The following MGAT3 variants were observed in gnomAD, a reference collection of about 807,000 sequenced individuals.
MGAT3 encodes GlcNAc-T III.
MGAT3 carries 9 observed loss-of-function variants against 29.8 expected under a neutral mutation model. The observed-to-expected ratio is 0.30, with a 90% CI of 0.18 to 0.53. The LOEUF (loss-of-function observed/expected upper bound fraction) is 0.53, where lower values mean the gene tolerates loss of function less well. Among genes scored for constraint, MGAT3 ranks in the 20% least tolerant of loss-of-function variants. The pLI is 0.96. For missense variants in MGAT3, 557 were observed against 769.5 expected, an observed-to-expected ratio of 0.72 and a Z score of 3.27; for synonymous variants, 397 against 348.9, an observed-to-expected ratio of 1.14 and a Z score of -1.54.
Position 39,487,199 on chromosome 22 carries a change from TG to T in MGAT3, c.-1-143del. 1.2e-6 allele frequency: 1 copy of T among 826,206 alleles called. No homozygotes were observed. Among genetic ancestry groups the T allele is most frequent in the Non-Finnish European group, 1.9e-6 (1 of 521,504 alleles). The allele number at this position is 826,206 out of a possible 1,614,324, so 51.2% of individuals were successfully genotyped here. A position where few individuals can be genotyped will look rare whatever the true frequency, so the allele number is the denominator to read the frequency against. ...GGCCTTGGTACCGCGAGTTGACTCT[TG>T]GGGGCAGGAGGTCACTCCATGCAGG... On this transcript the variant is annotated intron_variant, in intron 1 of 1. Transcript: ENST00000341184. This position sits in a 1 kb window ranked among gnomAD's most constrained non-coding sequence, Gnocchi z 5.7.
chr22:39,488,522 T>G lies in MGAT3; in HGVS notation c.1175T>G (p.Phe392Cys). 6.2e-7 allele frequency: 1 copy of G among 1,613,248 alleles called. No individual in the cohort carries two copies. Among genetic ancestry groups the G allele is most frequent in the South Asian group, 1.1e-5 (1 of 91,086 alleles). ...RRRQYYTMPN[F>C]RQYENRTGHI... ...CGCCAGTACTACACCATGCCCAACT[T>G]CAGACAGTATGAGAACCGCACCGGC... The change falls in exon 2 of 2, where the codon TTC (phenylalanine) becomes TGC (cysteine). Residue 392 changes from phenylalanine to cysteine, a missense_variant. This residue lies in a region of MGAT3 where 243 missense variants were observed against 444.0 expected (regional missense o/e 0.55). Transcript: ENST00000341184.
chr22:39,468,049 C>T (rs8138655), intron 1 of MGAT3, among the ~76,000 whole-genome samples: 1 of 151,766 alleles, frequency 6.6e-6, no homozygotes, highest in Non-Finnish European at 1.5e-5. Flanking sequence ...CTGGGCACAT[C>T]CCCTCTCCAA....
intron 1 of MGAT3, among the ~76,000 whole-genome samples, chr22:39,474,501 G>A (rs918211727): frequency 2.6e-5 from 4 of 152,176 alleles, no homozygotes; most frequent in Admixed American, 1.3e-4. Flanking sequence ...GGAATGAAGC[G>A]AGGCCAGTAG....
At chr22:39,462,282 C>T (rs970607884) in intron 1 of MGAT3, among the ~76,000 whole-genome samples, 1 of 152,246 alleles carries the variant, frequency 6.6e-6, no homozygotes, top group African/African-American at 2.4e-5. Flanking sequence ...TTGCTGTCAG[C>T]TCCCAGAGTA....
chr22:39,484,077 C>T (rs1929203022), intron 1 of MGAT3, among the ~76,000 whole-genome samples: 1 of 152,238 alleles, frequency 6.6e-6, no homozygotes, highest in African/African-American at 2.4e-5. Context: ...CCGGTTCACA[C>T]TCCAGCTCTG....
rs552945401 is a variant in MGAT3 at position 39,489,254 on chromosome 22, G to A, written c.*305G>A. The A allele has an allele frequency of 8.0e-5, 35 of 437,330 alleles. 1 individual carries two copies. In the South Asian group the frequency reaches 1.2e-3, roughly 15 times the overall value. 27.1% of individuals were successfully genotyped at this position (437,330 alleles called of 1,614,324 possible). ...TGCGTGGTGGTCCCTGGGTAGCGGG[G>A]GAGGGTAGGCAGGATTGGGGAAGAG... On this transcript the variant is annotated 3_prime_UTR_variant, in exon 2 of 2. Coordinates refer to ENST00000341184, the MANE Select transcript of MGAT3 (RefSeq NM_002409.5).
chr22:39,483,909 G>C (rs1929196458), intron 1 of MGAT3, among the ~76,000 whole-genome samples: 1 of 152,194 alleles, frequency 6.6e-6, no homozygotes, highest in African/African-American at 2.4e-5. Flanking sequence ...ACAGCTCCAG[G>C]GGGGCAGGCG....
intron 1 of MGAT3, among the ~76,000 whole-genome samples, chr22:39,470,809 G>A (rs1164092799): frequency 6.6e-6 from 1 of 152,146 alleles, no homozygotes; most frequent in Non-Finnish European, 1.5e-5. Context: ...GCTGATAGAG[G>A]CACCGAGGCC....
chr22:39,488,235 C>T lies in MGAT3; in HGVS notation c.888C>T (p.Leu296=). The part of the protein sequence containing the change: ...WIADDYLRTF[L]TQDGVSRLRN... ...CCGACGACTACCTGCGCACCTTCCT[C>T]ACCCAGGACGGCGTCTCGCGGCTGC... The change falls in exon 2 of 2, where the codon CTC becomes CTT. Residue 296 remains leucine (L), a synonymous_variant. Transcript: ENST00000341184. 6.2e-7 allele frequency: 1 copy of T among 1,612,300 alleles called. No individual in the cohort carries two copies. Among genetic ancestry groups the T allele is most frequent in the Non-Finnish European group, 8.5e-7 (1 of 1,179,918 alleles).
intron 1 of MGAT3, among the ~76,000 whole-genome samples, chr22:39,461,053 G>C (rs1232969300): frequency 1.3e-5 from 2 of 152,126 alleles, no homozygotes. Context: ...GGGGGCAATA[G>C]TAGGCTGGCA....
chr22:39,463,548 G>A (rs527278958), intron 1 of MGAT3, among the ~76,000 whole-genome samples: 12 of 152,280 alleles, frequency 7.9e-5, no homozygotes, highest in African/African-American at 2.2e-4. Flanking sequence ...GGCGGCCTGC[G>A]TAAAGTACCT....
chr22:39,457,817 C>T lies in MGAT3; in HGVS notation c.-2+260C>T, dbSNP rs994865536. 3.0e-4 allele frequency among the ~76,000 whole-genome samples: 46 copies of T among 151,362 alleles called. No homozygotes were observed. Among genetic ancestry groups the T allele is most frequent in the African/African-American group, 1.1e-3 (46 of 41,480 alleles). On this transcript the variant is annotated intron_variant, in intron 1 of 1. Transcript: ENST00000341184. The surrounding 1 kb of genome is among the most constrained non-coding windows in gnomAD (Gnocchi z 6.8). ...GCTCCCCGGTCCCCGGAGGGCAGAGCCTCAGCGCCCGACCCCCTCCCACGG... is the reference window on the plus strand; with the variant it reads ...GCTCCCCGGTCCCCGGAGGGCAGAGTCTCAGCGCCCGACCCCCTCCCACGG...
Position 39,487,131 on chromosome 22 carries a change from G to A in MGAT3, c.-1-216G>A, listed in dbSNP as rs547992387. 6.6e-6 allele frequency among the ~76,000 whole-genome samples: 1 copy of A among 152,288 alleles called. No homozygotes were observed. Among genetic ancestry groups the A allele is most frequent in the East Asian group, 1.9e-4 (1 of 5,172 alleles). On this transcript the variant is annotated intron_variant, in intron 1 of 1. Transcript: ENST00000341184. The surrounding 1 kb of genome is among the most constrained non-coding windows in gnomAD (Gnocchi z 5.7). ...GGTGGCCTGGGGATCTCAGGGAAGG[G>A]CTATGGGAGCACGGCGGTGTCCTCA...
intron 1 of MGAT3, among the ~76,000 whole-genome samples, chr22:39,462,017 T>A (rs1850204863): frequency 6.6e-6 from 1 of 152,112 alleles, no homozygotes; most frequent in African/African-American, 2.4e-5. Flanking sequence ...TTCTCCTCCC[T>A]CAGCCTCCCG....
Position 39,487,123 on chromosome 22 carries a change from A to G in MGAT3, c.-1-224A>G, listed in dbSNP as rs1241678585. Among the ~76,000 whole-genome samples the G allele has an allele frequency of 6.6e-6, 1 of 152,002 alleles. No homozygotes were observed. The highest frequency in any genetic ancestry group is 1.5e-5 in the Non-Finnish European group (1 of 67,974). On this transcript the variant is annotated intron_variant, in intron 1 of 1. Transcript: ENST00000341184. This position sits in a 1 kb window ranked among gnomAD's most constrained non-coding sequence, Gnocchi z 5.7. ...GGCAGGGTGGTGGCCTGGGGATCTC[A>G]GGGAAGGGCTATGGGAGCACGGCGG...
chr22:39,465,760 C>G (rs551084225), intron 1 of MGAT3, among the ~76,000 whole-genome samples: 1 of 151,828 alleles, frequency 6.6e-6, no homozygotes, highest in South Asian at 2.1e-4. Context: ...GGTGAAGCCC[C>G]GTCTCTACTA....
At position 39,488,247 on chromosome 22, in the gene MGAT3, C is replaced by A. The variant is rs371709468; in HGVS notation, c.900C>A (p.Gly300=). Residue 300 remains glycine, a synonymous_variant, in exon 2 of 2, where the codon GGC becomes GGA. Coordinates refer to ENST00000341184, the MANE Select transcript of MGAT3 (RefSeq NM_002409.5). ...DYLRTFLTQD[G]VSRLRNLRPD... ...TGCGCACCTTCCTCACCCAGGACGG[C>A]GTCTCGCGGCTGCGCAACCTGCGGC... 9 of 1,611,716 alleles carry A rather than the reference C, an allele frequency of 5.6e-6. No homozygotes were observed. The South Asian group carries it at 8.8e-5, about 16-fold the overall frequency.
chr22:39,458,214 T>G (rs1394709433), intron 1 of MGAT3, among the ~76,000 whole-genome samples: 5 of 151,958 alleles, frequency 3.3e-5, no homozygotes, highest in African/African-American at 1.2e-4. Flanking sequence ...AAATAGTGAG[T>G]TCTGGAACCG....
chr22:39,467,771 G>C (rs145932491), intron 1 of MGAT3, among the ~76,000 whole-genome samples: 17 of 139,832 alleles, frequency 1.2e-4, no homozygotes, highest in African/African-American at 4.3e-4. Context: ...TGGATCTGTC[G>C]CCCAGGCTAG....
Sources: allele counts gnomAD v4.1 joint callset (sites outside exome capture counted in the v4.1 genomes callset), GRCh38; gene constraint gnomAD v4.1.1; regional missense constraint gnomAD v4.1.1; non-coding constraint Gnocchi (gnomAD v3.1); transcripts MANE v1.5; gene names NCBI Gene and HGNC (gene_info 2026-07-23, HGNC 2026-07-21).